TMCC3: variants seen among roughly 807,000 people sequenced by gnomAD.
TMCC3 encodes the protein transmembrane and coiled-coil domain protein 3.
A neutral mutation model predicts 40.2 loss-of-function variants in TMCC3; 28 were observed. The observed-to-expected ratio is 0.70, with a 90% CI of 0.52 to 0.95. The LOEUF (loss-of-function observed/expected upper bound fraction) is 0.95, where lower values mean the gene tolerates loss of function less well. Among genes scored for constraint, TMCC3 ranks in the 40% least tolerant of loss-of-function variants. The pLI, the probability that TMCC3 is intolerant of heterozygous loss-of-function variation, is 0.00. For missense variants in TMCC3, 554 were observed against 615.2 expected, an observed-to-expected ratio of 0.90 and a Z score of 1.05; for synonymous variants, 255 against 248.5, an observed-to-expected ratio of 1.03 and a Z score of -0.25.
intron 1 of TMCC3, chr12:94,616,263 C>T (rs753771325): frequency 2.8e-5 from 5 of 180,110 alleles, no homozygotes; most frequent in Non-Finnish European, 5.3e-5. Context: ...CGCCTGCTAT[C>T]AATCACCCCG....
At chr12:94,604,039 C>T (rs1463896572) in intron 1 of TMCC3, among the ~76,000 whole-genome samples, 1 of 152,038 alleles carries the variant, frequency 6.6e-6, no homozygotes, top group Non-Finnish European at 1.5e-5. Context: ...TTTTAGAATA[C>T]TAAAGAGCCA....
chr12:94,629,860 T>C (rs931785015), intron 1 of TMCC3, among the ~76,000 whole-genome samples: 1 of 152,242 alleles, frequency 6.6e-6, no homozygotes, highest in African/African-American at 2.4e-5. Context: ...AAGGTTCAAA[T>C]GGAGACCCTG....
At chr12:94,649,944 G>A (rs1399636749) in intron 1 of TMCC3, among the ~76,000 whole-genome samples, 1 of 152,166 alleles carries the variant, frequency 6.6e-6, no homozygotes, top group East Asian at 1.9e-4. Flanking sequence ...CCGCCGGGAC[G>A]TTCGGCGGGG....
chr12:94,648,096 T>G (rs1040190335), intron 1 of TMCC3, among the ~76,000 whole-genome samples: 1 of 152,218 alleles, frequency 6.6e-6, no homozygotes, highest in Non-Finnish European at 1.5e-5. Context: ...CCCAATGTGC[T>G]AATTTACGAT....
chr12:94,600,246 T>G (rs1187512032), intron 1 of TMCC3, among the ~76,000 whole-genome samples: 4 of 148,768 alleles, frequency 2.7e-5, no homozygotes, highest in African/African-American at 7.5e-5. Flanking sequence ...TCTGGTTTTT[T>G]TTTTTTTTTT....
intron 1 of TMCC3, among the ~76,000 whole-genome samples, chr12:94,641,878 T>A (rs17022998): frequency 0.029 from 4,374 of 151,774 alleles, 105 homozygotes; most frequent in Admixed American, 0.084. Flanking sequence ...CAAAACTTTA[T>A]ACTGAAAAAA....
At chr12:94,574,278 C>T (rs972988840) in intron 3 of TMCC3, among the ~76,000 whole-genome samples, 7 of 151,992 alleles carry the variant, frequency 4.6e-5, no homozygotes, top group Non-Finnish European at 8.8e-5. Flanking sequence ...ATACCAGCTA[C>T]TCAGGAGGTT....
At chr12:94,575,511 C>T (rs1193825767) in intron 3 of TMCC3, among the ~76,000 whole-genome samples, 4 of 152,144 alleles carry the variant, frequency 2.6e-5, no homozygotes, top group African/African-American at 9.7e-5. Context: ...TTCTAACCAA[C>T]GTGACAGGGA....
chr12:94,626,938 G>A (rs1284084466), intron 1 of TMCC3, among the ~76,000 whole-genome samples: 1 of 152,130 alleles, frequency 6.6e-6, no homozygotes, highest in Non-Finnish European at 1.5e-5. Flanking sequence ...TTGGCTGACT[G>A]CAACCTCCAC....
At chr12:94,622,665 T>C (rs2068882032) in intron 1 of TMCC3, among the ~76,000 whole-genome samples, 1 of 152,194 alleles carries the variant, frequency 6.6e-6, no homozygotes, top group Non-Finnish European at 1.5e-5. Flanking sequence ...ACATTTTCCA[T>C]ACTCTGATTT....
At chr12:94,650,230 C>T in intron 1 of TMCC3, 123 bp downstream of exon 1, 1 of 498,840 alleles carries the variant, frequency 2.0e-6, no homozygotes, top group Non-Finnish European at 2.9e-6. Flanking sequence ...CACGGACCTC[C>T]GGCGGCAGCG....
At chr12:94,591,689 G>A (rs991407803) in intron 1 of TMCC3, among the ~76,000 whole-genome samples, 27 of 152,144 alleles carry the variant, frequency 1.8e-4, no homozygotes, top group Non-Finnish European at 3.5e-4. Flanking sequence ...GGGAGGTGGA[G>A]GTTGCAGTGA....
intron 3 of TMCC3, among the ~76,000 whole-genome samples, chr12:94,572,779 T>C (rs376485066): frequency 1.3e-5 from 2 of 152,092 alleles, no homozygotes; most frequent in South Asian, 4.1e-4. Context: ...CGCTCAAAGA[T>C]TTTTGTCCAT....
At chr12:94,630,661 T>C (rs1049930594) in intron 1 of TMCC3, among the ~76,000 whole-genome samples, 2 of 152,210 alleles carry the variant, frequency 1.3e-5, no homozygotes, top group African/African-American at 4.8e-5. Flanking sequence ...ATTCTACTTG[T>C]ATGTGGCACT....
chr12:94,577,435 G>A (rs1318378089), intron 3 of TMCC3, among the ~76,000 whole-genome samples: 1 of 152,094 alleles, frequency 6.6e-6, no homozygotes. Flanking sequence ...TGACCCAACC[G>A]CCTTGGCCTC....
In TMCC3 at chr12:94,581,820, T is replaced by A; in HGVS notation, c.797A>T (p.Asp266Val). The change falls in exon 2 of 4, where the codon GAC becomes GTC. Residue 266 changes from aspartate to valine, a missense_variant. Physicochemically the swap from Asp to Val is radical, Grantham distance 152 (BLOSUM62 -3). Coordinates refer to ENST00000261226, the MANE Select transcript of TMCC3 (RefSeq NM_020698.4). ...ECSSGTSGSA[D>V]SNGNQSFGAG... ...CCCAAACGACTGGTTTCCGTTACTG[T>A]CGGCCGAGCCTGACGTGCCACTCGA... is the stretch of plus-strand genomic sequence containing the variant. The A allele has an allele frequency of 6.2e-7, 1 of 1,614,102 alleles. No individual in the cohort carries two copies. The highest frequency in any genetic ancestry group is 8.5e-7 in the Non-Finnish European group (1 of 1,179,932).
chr12:94,574,718 C>T (rs1305378687), intron 3 of TMCC3, among the ~76,000 whole-genome samples: 1 of 152,192 alleles, frequency 6.6e-6, no homozygotes, highest in African/African-American at 2.4e-5. Context: ...TGGCTTTCAG[C>T]AATAACAGGC....
intron 1 of TMCC3, among the ~76,000 whole-genome samples, chr12:94,626,452 T>C (rs1223730851): frequency 1.3e-5 from 2 of 152,212 alleles, no homozygotes; most frequent in African/African-American, 4.8e-5. Context: ...TTTAAATTAA[T>C]GTAGCCAAGG....
At chr12:94,621,137 C>A (rs1227944066) in intron 1 of TMCC3, among the ~76,000 whole-genome samples, 1 of 152,194 alleles carries the variant, frequency 6.6e-6, no homozygotes, top group Admixed American at 6.5e-5. Flanking sequence ...GCTTAGAAAA[C>A]GCTGTGTTAT....
Sources: gnomAD v4.1 joint callset for allele counts (sites outside exome capture counted in the v4.1 genomes callset) on GRCh38, gnomAD v4.1.1 for gene constraint, MANE v1.5 for transcripts, NCBI Gene and HGNC (gene_info 2026-07-23, HGNC 2026-07-21) for gene names.